The following RMI1 variants were observed in gnomAD, a reference collection of about 807,000 sequenced individuals.
RMI1 encodes the protein RecQ mediated genome instability 1, also known as recQ-mediated genome instability protein 1.
In RMI1, 36 loss-of-function variants were observed where a neutral mutation model predicts 46.7. The observed-to-expected ratio is 0.77, with a 90% CI of 0.59 to 1.02. The LOEUF (loss-of-function observed/expected upper bound fraction) is 1.02. RMI1 is among the 50% of genes least tolerant of loss of function. The probability of loss-of-function intolerance (pLI) is 0.00; values close to 1 mark genes in which losing one functional copy is unlikely to be tolerated. For missense variants in RMI1, 676 were observed against 713.7 expected (o/e 0.95, Z 0.60); for synonymous variants, 250 against 252.9 (o/e 0.99, Z 0.11).
At chr9:83,998,255 A>G (rs1478885730) in intron 1 of RMI1, among the ~76,000 whole-genome samples, 1 of 152,226 alleles carries the variant, frequency 6.6e-6, no homozygotes, top group African/African-American at 2.4e-5. Context: ...TTTTACATAT[A>G]GTTTAAAAAA....
chr9:84,001,599 A>AAAGTACTT lies in RMI1; in HGVS notation c.614_621dup (p.Ala208LysfsTer6), dbSNP rs1410424671. 1 of 1,613,942 alleles carries AAAGTACTT rather than the reference A, an allele frequency of 6.2e-7. No homozygotes were observed. Among genetic ancestry groups the AAAGTACTT allele is most frequent in the Non-Finnish European group, 8.5e-7 (1 of 1,180,008 alleles). ...TCTTTTAGAAGAATATGCCCAAGAA[A>AAAGTACTT]AAGTACTTGCAAGATTAATAGGGGA... On this transcript the variant is annotated frameshift_variant, in exon 3 of 3. Transcript: ENST00000445877. LOFTEE classifies it high-confidence loss of function.
At position 84,001,572 on chromosome 9, in the gene RMI1, G is replaced by T. The variant is rs557538407; in HGVS notation, c.586G>T (p.Ala196Ser). 1.2e-6 allele frequency: 2 copies of T among 1,613,902 alleles called. No individual in the cohort carries two copies. Among genetic ancestry groups the T allele is most frequent in the Non-Finnish European group, 1.7e-6 (2 of 1,179,960 alleles). Residue 196 changes from alanine (A) to serine (S), a missense_variant, in exon 3 of 3, where the codon GCT becomes TCT. Ala to Ser is a moderately conservative substitution (Grantham distance 99, BLOSUM62 1). Coordinates refer to ENST00000445877, the MANE Select transcript of RMI1 (RefSeq NM_001358291.2). ...GAAAGTGTTAGGAGGTGAAGTAGATGCTCTTTTAGAAGAATATGCCCAAGA... is the reference window on the plus strand; with the variant it reads ...GAAAGTGTTAGGAGGTGAAGTAGATTCTCTTTTAGAAGAATATGCCCAAGA... ...NVKVLGGEVD[A>S]LLEEYAQEKV...
intron 1 of RMI1, among the ~76,000 whole-genome samples, chr9:83,985,167 C>A (rs1177553662): frequency 6.6e-6 from 1 of 152,200 alleles, no homozygotes; most frequent in African/African-American, 2.4e-5. Flanking sequence ...ATAGATCTTA[C>A]ATAATATTTT....
rs1045655231 is a variant in RMI1, at chr9:84,004,057, A to T, written c.*1193A>T. 5 of 157,198 alleles carry T rather than the reference A, an allele frequency of 3.2e-5. No individual in the cohort carries two copies. The highest frequency in any genetic ancestry group is 1.2e-4 in the African/African-American group (5 of 41,482). 9.7% of individuals were successfully genotyped at this position (157,198 alleles called of 1,614,324 possible). ...GCTTTGAATTTTAAAACATTAAACA[A>T]ATCCTTAAATAACAAAATACATTGG... On this transcript the variant is annotated 3_prime_UTR_variant, in exon 3 of 3. Transcript: ENST00000445877.
At chr9:83,984,421 T>C (rs1221070146) in intron 1 of RMI1, among the ~76,000 whole-genome samples, 5 of 147,626 alleles carry the variant, frequency 3.4e-5, no homozygotes, top group African/African-American at 5.0e-5. Flanking sequence ...AGGCATGTGC[T>C]ACCAAGCTCG....
At chr9:83,999,338 C>T (rs1957705698) in intron 1 of RMI1, among the ~76,000 whole-genome samples, 1 of 152,044 alleles carries the variant, frequency 6.6e-6, no homozygotes, top group African/African-American at 2.4e-5. Flanking sequence ...ATCTAATCTT[C>T]ATAACAAGCC....
At position 83,999,811 on chromosome 9, in the gene RMI1, T is replaced by C. The variant is rs891116632; in HGVS notation, c.-37+14T>C. The C allele has an allele frequency of 3.3e-5, 5 of 152,236 alleles. No individual in the cohort carries two copies. The highest frequency in any genetic ancestry group is 6.5e-5 in the Admixed American group (1 of 15,278). 9.4% of individuals were successfully genotyped at this position (152,236 alleles called of 1,614,324 possible). A position where few individuals can be genotyped will look rare whatever the true frequency, so the allele number is the denominator to read the frequency against. ...CTGTTCCTCGTGGTAAGTTTTCTTA[T>C]GGACATAGTAAAACTTTAATATATT... On this transcript the variant is annotated intron_variant, in intron 2 of 2. Coordinates refer to ENST00000445877, the MANE Select transcript of RMI1 (RefSeq NM_001358291.2).
chr9:83,997,107 CCTTTT>C (rs1957667788), intron 1 of RMI1, among the ~76,000 whole-genome samples: 1 of 92,376 alleles, frequency 1.1e-5, no homozygotes, highest in Non-Finnish European at 2.1e-5. Context: ...AACACCCCCC[CCTTTT>C]TTTTTTTTTT....
intron 1 of RMI1, among the ~76,000 whole-genome samples, chr9:83,983,560 A>T (rs1190634165): frequency 6.6e-6 from 1 of 152,174 alleles, no homozygotes; most frequent in Non-Finnish European, 1.5e-5. Flanking sequence ...CTATTGTCAG[A>T]ATGACACACG....
intron 1 of RMI1, among the ~76,000 whole-genome samples, chr9:83,984,272 C>CTTTT (rs34730251): frequency 7.0e-6 from 1 of 143,080 alleles, no homozygotes; most frequent in South Asian, 2.2e-4. Context: ...ATGAACATAC[C>CTTTT]TTTTTTTTTT....
At chr9:83,982,703 C>T (rs1313307824) in intron 1 of RMI1, among the ~76,000 whole-genome samples, 1 of 151,966 alleles carries the variant, frequency 6.6e-6, no homozygotes, top group Non-Finnish European at 1.5e-5. Flanking sequence ...AAAACCTCTT[C>T]CTCCCAGTTT....
At chr9:83,982,229 A>G (rs1196136635) in intron 1 of RMI1, among the ~76,000 whole-genome samples, 2 of 152,238 alleles carry the variant, frequency 1.3e-5, no homozygotes, top group East Asian at 1.9e-4. Flanking sequence ...AACCTGAGAC[A>G]TGTCACTGAC....
At chr9:83,997,577 A>G (rs1957676659) in intron 1 of RMI1, among the ~76,000 whole-genome samples, 1 of 151,880 alleles carries the variant, frequency 6.6e-6, no homozygotes, top group Non-Finnish European at 1.5e-5. Flanking sequence ...CACATGGAAA[A>G]CTGGCATAGG....
Position 84,002,904 on chromosome 9 carries a change from G to A in RMI1, c.*40G>A. On this transcript the variant is annotated 3_prime_UTR_variant, in exon 3 of 3. Coordinates refer to ENST00000445877, the MANE Select transcript of RMI1 (RefSeq NM_001358291.2). ...TATTAGGAACAATTAAAAACAACAAGGAAATATTTAGAATTTGTTCACAAT... is the reference window on the plus strand; with the variant it reads ...TATTAGGAACAATTAAAAACAACAAAGAAATATTTAGAATTTGTTCACAAT... 8.4e-7 allele frequency: 1 copy of A among 1,194,184 alleles called. No homozygotes were observed. The highest frequency in any genetic ancestry group is 1.2e-6 in the Non-Finnish European group (1 of 866,016). 74.0% of individuals were successfully genotyped at this position (1,194,184 alleles called of 1,614,324 possible).
At chr9:83,993,246 C>A (rs1181951668) in intron 1 of RMI1, among the ~76,000 whole-genome samples, 1 of 152,168 alleles carries the variant, frequency 6.6e-6, no homozygotes, top group Non-Finnish European at 1.5e-5. Context: ...TGGAATCATG[C>A]AGTATTTGTC....
Position 84,003,925 on chromosome 9 carries a change from TA to T in RMI1, c.*1069del, listed in dbSNP as rs994690405. On this transcript the variant is annotated 3_prime_UTR_variant, in exon 3 of 3. Coordinates refer to ENST00000445877, the MANE Select transcript of RMI1 (RefSeq NM_001358291.2). ...TTGGTTTTAAGTACTGATTTTTTTT[TA>T]AAAAAAAGAGGGACTGTTTACCATT... The T allele has an allele frequency of 6.0e-6, 1 of 166,154 alleles. No homozygotes were observed. 10.3% of individuals were successfully genotyped at this position (166,154 alleles called of 1,614,324 possible).
At chr9:84,000,693 C>T (rs192691155) in intron 2 of RMI1, among the ~76,000 whole-genome samples, 11 of 152,244 alleles carry the variant, frequency 7.2e-5, no homozygotes, top group African/African-American at 1.4e-4. Context: ...AAACTGGTTA[C>T]AGAAGTTGAG....
rs558616585 is a variant in RMI1 at position 83,995,490 on chromosome 9, C to A, written c.-125-4219C>A. Among the ~76,000 whole-genome samples, 4 of 149,110 alleles carry A rather than the reference C, an allele frequency of 2.7e-5. No homozygotes were observed. The East Asian group carries it at 8.0e-4, about 30-fold the overall frequency. On this transcript the variant is annotated intron_variant, in intron 1 of 2. Transcript: ENST00000445877. ...TTGCGCAGGCTAGAGTGCAATAGCACGATCTCAGATCACTGCAACCTCCGC... is the reference window on the plus strand; with the variant it reads ...TTGCGCAGGCTAGAGTGCAATAGCAAGATCTCAGATCACTGCAACCTCCGC...
Position 84,001,319 on chromosome 9 carries a change from A to C in RMI1, c.333A>C (p.Thr111=). The C allele has an allele frequency of 1.2e-6, 2 of 1,614,176 alleles. No individual in the cohort carries two copies. Among genetic ancestry groups the C allele is most frequent in the Non-Finnish European group, 1.7e-6 (2 of 1,180,002 alleles). ...SQIQKLRGKN[T]TNDLVTAEAQ... ...TACAGAAGTTGAGAGGAAAGAATAC[A>C]ACAAATGATCTAGTTACAGCTGAAG... The change falls in exon 3 of 3, where the codon ACA becomes ACC. Residue 111 remains threonine (T), a synonymous_variant. Transcript: ENST00000445877.
Sources: gnomAD v4.1 joint callset for allele counts (sites outside exome capture counted in the v4.1 genomes callset) on GRCh38, gnomAD v4.1.1 for gene constraint, MANE v1.5 for transcripts, NCBI Gene and HGNC (gene_info 2026-07-23, HGNC 2026-07-21) for gene names.